Variants in ELAVL2 observed in about 807,000 individuals in gnomAD.
ELAVL2 encodes ELAV-like protein 2.
ELAVL2 carries 4 observed loss-of-function variants against 34.6 expected under a neutral mutation model. That is an observed-to-expected ratio of 0.12 (90% CI 0.06 to 0.26). The LOEUF is 0.26. ELAVL2 is among the 10% of genes least tolerant of loss of function. The pLI, the probability that ELAVL2 is intolerant of heterozygous loss-of-function variation, is 1.00. For synonymous variants in ELAVL2, 193 were observed against 154.8 expected, an observed-to-expected ratio of 1.25 and a Z score of -1.83; for missense variants, 432 against 442.8, an observed-to-expected ratio of 0.98 and a Z score of 0.22.
At chr9:23,740,942 C>A (rs745914020) in intron 2 of ELAVL2, among the ~76,000 whole-genome samples, 1 of 152,094 alleles carries the variant, frequency 6.6e-6, no homozygotes, top group Non-Finnish European at 1.5e-5. Flanking sequence ...GATTTCATAG[C>A]GGTGGAAAAA....
chr9:23,744,792 G>A (rs1403358589), intron 2 of ELAVL2, among the ~76,000 whole-genome samples: 1 of 151,906 alleles, frequency 6.6e-6, no homozygotes, highest in Non-Finnish European at 1.5e-5. Context: ...TAATAGTAAA[G>A]GAATTAGAAC....
intron 1 of ELAVL2, among the ~76,000 whole-genome samples, chr9:23,790,538 C>G (rs888207514): frequency 6.6e-5 from 10 of 152,184 alleles, no homozygotes; most frequent in African/African-American, 2.4e-4. Context: ...TTCATCTCAT[C>G]TGTCACCATA....
intron 1 of ELAVL2, 143 bp from the exon 2 acceptor site, chr9:23,762,392 T>G (rs2055239815): frequency 4.7e-6 from 5 of 1,058,022 alleles, no homozygotes; most frequent in Non-Finnish European, 6.7e-6. Context: ...GTGTAATACC[T>G]ACACTAATTT....
intron 2 of ELAVL2, among the ~76,000 whole-genome samples, chr9:23,732,888 C>G (rs1353682868): frequency 6.6e-6 from 1 of 151,872 alleles, no homozygotes; most frequent in African/African-American, 2.4e-5. Flanking sequence ...GATCGTCACC[C>G]TAGTCAAAAG....
intron 4 of ELAVL2, among the ~76,000 whole-genome samples, chr9:23,702,744 C>T (rs1370136859): frequency 6.6e-6 from 1 of 151,772 alleles, no homozygotes; most frequent in Non-Finnish European, 1.5e-5. Flanking sequence ...GCATGCATTG[C>T]ACATTATTAC....
chr9:23,712,088 C>T (rs938810707), intron 3 of ELAVL2, among the ~76,000 whole-genome samples: 5 of 152,094 alleles, frequency 3.3e-5, no homozygotes, highest in South Asian at 2.1e-4. Context: ...GGCTGTGGGG[C>T]GGGGGGAGTC....
intron 2 of ELAVL2, among the ~76,000 whole-genome samples, chr9:23,760,886 G>C (rs930224282): frequency 6.6e-6 from 1 of 152,040 alleles, no homozygotes; most frequent in Non-Finnish European, 1.5e-5. Context: ...CTCACTTGCA[G>C]ATCTTGGAGA....
At chr9:23,696,629 C>T (rs1370265653) in intron 5 of ELAVL2, among the ~76,000 whole-genome samples, 1 of 150,346 alleles carries the variant, frequency 6.7e-6, no homozygotes, top group Non-Finnish European at 1.5e-5. Flanking sequence ...ACCACCACGT[C>T]CGGCTAATTT....
intron 1 of ELAVL2, among the ~76,000 whole-genome samples, chr9:23,775,291 C>T (rs1188940471): frequency 2.0e-5 from 3 of 152,160 alleles, no homozygotes; most frequent in East Asian, 3.9e-4. Flanking sequence ...AGGTGACTCA[C>T]GCTTGTAATT....
At chr9:23,757,765 T>G (rs1431102038) in intron 2 of ELAVL2, among the ~76,000 whole-genome samples, 2 of 151,998 alleles carry the variant, frequency 1.3e-5, no homozygotes, top group African/African-American at 4.8e-5. Context: ...ACATAATAAA[T>G]AGAACTTAGT....
At chr9:23,699,500 G>A (rs1356289977) in intron 5 of ELAVL2, among the ~76,000 whole-genome samples, 1 of 152,046 alleles carries the variant, frequency 6.6e-6, no homozygotes, top group Admixed American at 6.6e-5. Flanking sequence ...AATACATTAT[G>A]AAGAACTTTG....
intron 1 of ELAVL2, among the ~76,000 whole-genome samples, chr9:23,813,102 A>G (rs3793603): frequency 0.14 from 21,253 of 152,252 alleles, 1,869 homozygotes; most frequent in Middle Eastern, 0.19. Flanking sequence ...CTCACTAGAC[A>G]TTAACACACA....
At chr9:23,773,369 A>AT (rs2136390250) in intron 1 of ELAVL2, among the ~76,000 whole-genome samples, 1 of 143,798 alleles carries the variant, frequency 7.0e-6, no homozygotes, top group East Asian at 2.3e-4. Flanking sequence ...TAGATTGATG[A>AT]CCTCACCATC....
intron 2 of ELAVL2, among the ~76,000 whole-genome samples, chr9:23,750,943 T>C (rs2051818155): frequency 6.6e-6 from 1 of 152,180 alleles, no homozygotes; most frequent in African/African-American, 2.4e-5. Context: ...GATTCTGATT[T>C]ACCAGTTTAC....
intron 1 of ELAVL2, among the ~76,000 whole-genome samples, chr9:23,816,964 A>G (rs990445548): frequency 2.0e-5 from 3 of 152,140 alleles, no homozygotes; most frequent in Non-Finnish European, 4.4e-5. Context: ...GGCCAACGGA[A>G]AAATATACAG....
intron 3 of ELAVL2, among the ~76,000 whole-genome samples, chr9:23,724,632 G>A (rs2044612399): frequency 6.6e-6 from 1 of 152,062 alleles, no homozygotes; most frequent in Admixed American, 6.6e-5. Flanking sequence ...CTTCAAATAA[G>A]GACTATGTAA....
chr9:23,723,572 TA>T lies in ELAVL2; in HGVS notation c.333+7449del, dbSNP rs948935109. ...TAAAACTTAAAGCATAATAATAATT[TA>T]AAAAAAAAAAAGAAAAGATTTTTGG... On this transcript the variant is annotated intron_variant, in intron 3 of 6. Transcript: ENST00000397312. Among the ~76,000 whole-genome samples, 631 of 144,266 alleles carry T rather than the reference TA, an allele frequency of 4.4e-3. 3 individuals carry two copies. Among genetic ancestry groups the T allele is most frequent in the African/African-American group, 0.013 (510 of 39,456 alleles). The allele number at this position is 144,266 out of a possible 152,430, so 94.6% of individuals were successfully genotyped here.
the ELAVL2 span, among the ~76,000 whole-genome samples, chr9:23,841,445 GAA>G: frequency 5.3e-4 from 80 of 151,894 alleles, no homozygotes; most frequent in African/African-American, 1.9e-3. Flanking sequence ...AGTTTCTAGA[GAA>G]ACTCTCTCTC....
chr9:23,796,421 C>T (rs554889816), intron 1 of ELAVL2, among the ~76,000 whole-genome samples: 1 of 152,244 alleles, frequency 6.6e-6, no homozygotes, highest in Non-Finnish European at 1.5e-5. Context: ...GGACTCTCAC[C>T]TACTCAAAAA....
Sources: allele counts gnomAD v4.1 joint callset (sites outside exome capture counted in the v4.1 genomes callset), GRCh38; gene constraint gnomAD v4.1.1; transcripts MANE v1.5; gene names NCBI Gene and HGNC (gene_info 2026-07-23, HGNC 2026-07-21).